DST: variants seen among roughly 807,000 people sequenced by gnomAD.
The protein encoded by DST is bullous pemphigoid antigen.
A neutral mutation model predicts 875.2 loss-of-function variants in DST; 253 were observed. The observed-to-expected ratio is 0.29, with a 90% CI of 0.26 to 0.32. The LOEUF is 0.32. DST is among the 10% of genes least tolerant of loss of function. DST has a pLI of 1.00. For missense variants in DST, 8,287 were observed against 9,111.6 expected (o/e 0.91, Z 3.68); for synonymous variants, 3,124 against 3,197.1 (o/e 0.98, Z 0.77).
At chr6:56,707,908 G>A (rs772879430) in intron 5 of DST, among the ~76,000 whole-genome samples, 13 of 152,176 alleles carry the variant, frequency 8.5e-5, no homozygotes, top group Admixed American at 1.3e-4. Context: ...GGTGGCTCAC[G>A]CCTGTAATCC....
rs75472873 is a variant in DST at position 56,491,811 on chromosome 6, T to A, written c.20757+416A>T. On this transcript the variant is annotated intron_variant, in intron 85 of 103. Transcript: ENST00000680361. ...ATGTCTGGCTCTCAGCACTGATAGC[T>A]TGTGAAGAAAGTCTGGCTTAGGAAC... Among the ~76,000 whole-genome samples the A allele has an allele frequency of 9.6e-3, 1,467 of 152,220 alleles. 98 individuals carry two copies. The East Asian group carries it at 0.19, about 20-fold the overall frequency.
At chr6:56,690,505 A>G (rs1224709825) in intron 9 of DST, among the ~76,000 whole-genome samples, 1 of 152,180 alleles carries the variant, frequency 6.6e-6, no homozygotes, top group East Asian at 1.9e-4. Flanking sequence ...GCTGAGAATG[A>G]TGAATGTCAC....
intron 94 of DST, among the ~76,000 whole-genome samples, chr6:56,471,556 C>T (rs776414032): frequency 1.3e-5 from 2 of 152,168 alleles, no homozygotes; most frequent in Non-Finnish European, 1.5e-5. Flanking sequence ...CACCACTAGT[C>T]ATGCTCACTG....
Position 56,900,607 on chromosome 6 carries a change from G to A in DST, c.231C>T (p.Ser77=). 7.3e-7 allele frequency: 1 copy of A among 1,367,534 alleles called. No individual in the cohort carries two copies. The highest frequency in any genetic ancestry group is 9.8e-7 in the Non-Finnish European group (1 of 1,021,822). 84.7% of individuals were successfully genotyped at this position (1,367,534 alleles called of 1,614,324 possible). Residue 77 remains serine, a synonymous_variant, in exon 3 of 104, where the codon AGC becomes AGT. Coordinates refer to ENST00000680361, the MANE Select transcript of DST (RefSeq NM_001374736.1). ...HHFRSEGFRA[S]PRHLRRRVAA... ...CAACTCGTCTTCTAAGATGCCGAGG[G>A]CTTGCTCTGAATCCCTGTGGCAGAA...
At chr6:56,795,562 T>C (rs1316808206) in intron 4 of DST, among the ~76,000 whole-genome samples, 1 of 152,138 alleles carries the variant, frequency 6.6e-6, no homozygotes, top group Non-Finnish European at 1.5e-5. Context: ...AAACAGTAGT[T>C]CTCAACTCTG....
chr6:56,615,747 A>G, intron 36 of DST: 1 of 1,614,176 alleles, frequency 6.2e-7, no homozygotes, highest in Non-Finnish European at 8.5e-7. Flanking sequence ...TCTATTGATA[A>G]CCGAGAGTGA....
At chr6:56,671,027 A>G (rs1182038617) in intron 9 of DST, among the ~76,000 whole-genome samples, 1 of 152,212 alleles carries the variant, frequency 6.6e-6, no homozygotes, top group Non-Finnish European at 1.5e-5. Flanking sequence ...ATTCTATATA[A>G]TTATTTTTAT....
chr6:56,522,537 T>G (rs991458925), intron 69 of DST, among the ~76,000 whole-genome samples: 1 of 152,138 alleles, frequency 6.6e-6, no homozygotes, highest in African/African-American at 2.4e-5. Context: ...AAGACATATT[T>G]TCCCATCCAC....
chr6:56,652,985 C>A (rs1587837422), intron 10 of DST, among the ~76,000 whole-genome samples: 1 of 152,118 alleles, frequency 6.6e-6, no homozygotes, highest in Non-Finnish European at 1.5e-5. Context: ...ATCTGAAGTT[C>A]TTTCAATAAA....
At chr6:56,701,066 A>G (rs913193590) in intron 8 of DST, among the ~76,000 whole-genome samples, 7 of 147,856 alleles carry the variant, frequency 4.7e-5, no homozygotes, top group African/African-American at 1.5e-4. Context: ...CACATCCTCA[A>G]TTTCCTGGGC....
rs775463628 is a variant in DST at position 56,553,184 on chromosome 6, T to C, written c.15608A>G (p.Asn5203Ser). Residue 5203 changes from asparagine to serine, a missense_variant, in exon 61 of 104, where the codon AAT becomes AGT. This residue lies in a region of DST where 1,513 missense variants were observed against 1,677.8 expected (regional missense o/e 0.90). Transcript: ENST00000680361. ...KFCLDPAEGE[N>S]SIAKLKSLQK... is the part of the protein sequence containing the mutation. ...CAGAGACTTTAACTTGGCAATAGAA[T>C]TCTCTCCTTCAGCAGGATCCAAGCA... The C allele has an allele frequency of 1.2e-6, 2 of 1,613,868 alleles. No homozygotes were observed. Among genetic ancestry groups the C allele is most frequent in the African/African-American group, 2.7e-5 (2 of 74,944 alleles).
chr6:56,717,111 A>G (rs185102486), intron 5 of DST, among the ~76,000 whole-genome samples: 197 of 152,228 alleles, frequency 1.3e-3, no homozygotes, highest in African/African-American at 4.3e-3. Context: ...TGAACCCGGT[A>G]GGCAGAGCTT....
chr6:56,781,661 T>C (rs956458792), intron 4 of DST, among the ~76,000 whole-genome samples: 2 of 152,222 alleles, frequency 1.3e-5, no homozygotes, highest in Non-Finnish European at 2.9e-5. Context: ...AATCATGTCG[T>C]CTGCAAACAG....
At chr6:56,795,658 T>C (rs2099738513) in intron 4 of DST, among the ~76,000 whole-genome samples, 1 of 152,136 alleles carries the variant, frequency 6.6e-6, no homozygotes, top group South Asian at 2.1e-4. Context: ...AAATCTCTCA[T>C]ACCAGGATTT....
intron 4 of DST, among the ~76,000 whole-genome samples, chr6:56,826,982 C>G (rs941484637): frequency 6.6e-6 from 1 of 152,076 alleles, no homozygotes; most frequent in South Asian, 2.1e-4. Flanking sequence ...AAGACTGTAA[C>G]AAGAAAAGTA....
At chr6:56,682,822 C>T (rs561912853) in intron 9 of DST, among the ~76,000 whole-genome samples, 1 of 152,244 alleles carries the variant, frequency 6.6e-6, no homozygotes, top group South Asian at 2.1e-4. Flanking sequence ...GAGCCACAGT[C>T]TCAAAAAACA....
intron 36 of DST, chr6:56,618,148 T>G: frequency 6.2e-7 from 1 of 1,614,196 alleles, no homozygotes; most frequent in Non-Finnish European, 8.5e-7. Flanking sequence ...ACTCGGTGCT[T>G]GTCTGAGAAA....
chr6:56,516,860 C>A (rs2096604195), intron 71 of DST, among the ~76,000 whole-genome samples: 1 of 152,058 alleles, frequency 6.6e-6, no homozygotes, highest in African/African-American at 2.4e-5. Context: ...AGCACATAAA[C>A]AATAGTTGAT....
chr6:56,860,701 G>C (rs1193304455), intron 3 of DST, among the ~76,000 whole-genome samples: 1 of 152,120 alleles, frequency 6.6e-6, no homozygotes, highest in Non-Finnish European at 1.5e-5. Context: ...ATTCACACTT[G>C]TTTGATCCAG....
Sources: gnomAD v4.1 joint callset for allele counts (sites outside exome capture counted in the v4.1 genomes callset) on GRCh38, gnomAD v4.1.1 for gene constraint, gnomAD v4.1.1 regional missense constraint, MANE v1.5 for transcripts, NCBI Gene and HGNC (gene_info 2026-07-23, HGNC 2026-07-21) for gene names.